The following C8orf34 variants were observed in gnomAD, a reference collection of about 807,000 sequenced individuals.
The protein encoded by C8orf34 is chromosome 8 open reading frame 34.
In C8orf34, 65 loss-of-function variants were observed where a neutral mutation model predicts 68.3. The ratio of observed to expected loss-of-function variants is 0.95; its 90% confidence interval spans 0.78 to 1.17. The LOEUF is 1.17. Among genes scored for constraint, C8orf34 ranks in the 50% most tolerant of loss-of-function variants. The probability of loss-of-function intolerance (pLI) is 0.00; values close to 1 mark genes in which losing one functional copy is unlikely to be tolerated. For missense variants in C8orf34, 664 were observed against 655.4 expected (o/e 1.01, Z -0.14); for synonymous variants, 244 against 241.2 (o/e 1.01, Z -0.11).
intron 7 of C8orf34, among the ~76,000 whole-genome samples, chr8:68,551,439 C>A (rs1226989393): frequency 6.6e-6 from 1 of 151,972 alleles, no homozygotes; most frequent in African/African-American, 2.4e-5. Flanking sequence ...CCATTAGAGA[C>A]TTTACTGTAT....
At chr8:68,643,457 A>C (rs1819072279) in intron 8 of C8orf34, among the ~76,000 whole-genome samples, 1 of 152,200 alleles carries the variant, frequency 6.6e-6, no homozygotes, top group Admixed American at 6.5e-5. Flanking sequence ...GGGATGCTAT[A>C]AAATAACACA....
chr8:68,465,596 A>G (rs1168390454), intron 3 of C8orf34, among the ~76,000 whole-genome samples: 2 of 152,292 alleles, frequency 1.3e-5, no homozygotes, highest in Non-Finnish European at 2.9e-5. Flanking sequence ...TGTGGCACAT[A>G]CACACCATGG....
chr8:68,563,649 G>GT (rs1480963412), intron 7 of C8orf34, among the ~76,000 whole-genome samples: 1 of 151,104 alleles, frequency 6.6e-6, no homozygotes, highest in Non-Finnish European at 1.5e-5. Context: ...GCTTGAAAGA[G>GT]TTAAGATTAA....
chr8:68,718,547 C>A (rs1821542434), intron 9 of C8orf34, among the ~76,000 whole-genome samples: 1 of 152,146 alleles, frequency 6.6e-6, no homozygotes, highest in Admixed American at 6.5e-5. Flanking sequence ...ACATTCTTTT[C>A]TACTTAAATT....
intron 10 of C8orf34, among the ~76,000 whole-genome samples, chr8:68,727,198 CA>C (rs1821855919): frequency 6.6e-6 from 1 of 152,110 alleles, no homozygotes; most frequent in East Asian, 1.9e-4. Flanking sequence ...TTGGTCAAAA[CA>C]AAGGGGTTAC....
At chr8:68,540,489 A>G (rs1815657111) in intron 7 of C8orf34, among the ~76,000 whole-genome samples, 1 of 151,934 alleles carries the variant, frequency 6.6e-6, no homozygotes, top group South Asian at 2.1e-4. Context: ...AAGTGCTCTC[A>G]TATGCTGTCA....
intron 8 of C8orf34, among the ~76,000 whole-genome samples, chr8:68,659,960 C>T (rs1819621964): frequency 6.6e-6 from 1 of 152,168 alleles, no homozygotes; most frequent in Admixed American, 6.5e-5. Context: ...GTCAAAAACA[C>T]AATTGACAAA....
At chr8:68,599,413 G>A (rs1054474156) in intron 7 of C8orf34, among the ~76,000 whole-genome samples, 1 of 151,888 alleles carries the variant, frequency 6.6e-6, no homozygotes, top group East Asian at 1.9e-4. Context: ...ATCTTATAGA[G>A]GAAGAACAAA....
chr8:68,491,862 T>A (rs1813328113), intron 5 of C8orf34, among the ~76,000 whole-genome samples: 3 of 152,158 alleles, frequency 2.0e-5, no homozygotes, highest in Admixed American at 6.5e-5. Flanking sequence ...ACCTTTTATA[T>A]CTGTATGTGG....
intron 11 of C8orf34, among the ~76,000 whole-genome samples, chr8:68,782,486 C>T (rs1823707527): frequency 6.7e-6 from 1 of 148,548 alleles, no homozygotes; most frequent in African/African-American, 2.5e-5. Context: ...GTGCCTCTCA[C>T]ATTCTACTCT....
chr8:68,511,156 A>G (rs186602837), intron 5 of C8orf34, among the ~76,000 whole-genome samples: 43 of 152,354 alleles, frequency 2.8e-4, no homozygotes, highest in African/African-American at 9.9e-4. Flanking sequence ...TGTTATAAAT[A>G]AATTTTTTGG....
chr8:68,469,872 T>TTATA (rs34205013), intron 4 of C8orf34, among the ~76,000 whole-genome samples: 1 of 150,190 alleles, frequency 6.7e-6, no homozygotes, highest in East Asian at 1.9e-4. Context: ...TGAAAGAAGT[T>TTATA]TATATATATA....
chr8:68,378,563 C>T (rs561590404), intron 1 of C8orf34, among the ~76,000 whole-genome samples: 7 of 152,268 alleles, frequency 4.6e-5, no homozygotes, highest in East Asian at 3.9e-4. Flanking sequence ...GCTGGGATTA[C>T]GTGCGTGAGC....
intron 10 of C8orf34, among the ~76,000 whole-genome samples, chr8:68,747,080 A>G (rs1237300827): frequency 6.6e-6 from 1 of 151,906 alleles, no homozygotes. Context: ...CTGGTTCAAT[A>G]TACACAAATC....
intron 10 of C8orf34, among the ~76,000 whole-genome samples, chr8:68,730,924 A>T (rs543106854): frequency 6.6e-6 from 1 of 152,260 alleles, no homozygotes; most frequent in African/African-American, 2.4e-5. Context: ...CATTTTCGGT[A>T]TTTTGAAGTT....
At chr8:68,763,212 G>A (rs1180151999) in intron 10 of C8orf34, among the ~76,000 whole-genome samples, 1 of 152,142 alleles carries the variant, frequency 6.6e-6, no homozygotes, top group Non-Finnish European at 1.5e-5. Context: ...TTTAGACAAT[G>A]GTATAATCTT....
chr8:68,564,740 A>G (rs1045978496), intron 7 of C8orf34, among the ~76,000 whole-genome samples: 6 of 152,190 alleles, frequency 3.9e-5, no homozygotes, highest in Admixed American at 3.9e-4. Context: ...AGGTTTGTCA[A>G]TTTCCCAGAT....
intron 7 of C8orf34, among the ~76,000 whole-genome samples, chr8:68,635,889 C>G (rs1201850059): frequency 6.6e-6 from 1 of 152,024 alleles, no homozygotes; most frequent in Non-Finnish European, 1.5e-5. Flanking sequence ...TGAAGGTTGC[C>G]ATTGTGGAAA....
At chr8:68,519,715 T>A (rs75952623) in intron 5 of C8orf34, among the ~76,000 whole-genome samples, 1,983 of 152,150 alleles carry the variant, frequency 0.013, 41 homozygotes, top group African/African-American at 0.045. Context: ...TTTTAAAAAA[T>A]GGTCTTTCAC....
Sources: gnomAD v4.1 joint callset for allele counts (sites outside exome capture counted in the v4.1 genomes callset) on GRCh38, gnomAD v4.1.1 for gene constraint, MANE v1.5 for transcripts, NCBI Gene and HGNC (gene_info 2026-07-23, HGNC 2026-07-21) for gene names.